GLCCI1: variants seen among roughly 807,000 people sequenced by gnomAD.
GLCCI1 encodes the protein glucocorticoid-induced transcript 1 protein.
Under a neutral mutation model 52.2 loss-of-function variants are expected in GLCCI1, and 24 were observed. That is an observed-to-expected ratio of 0.46 (90% CI 0.33 to 0.65). GLCCI1 has a LOEUF of 0.65. Ranked by LOEUF, GLCCI1 falls within the 30% of genes least tolerant of loss-of-function variation. The pLI, the probability that GLCCI1 is intolerant of heterozygous loss-of-function variation, is 0.02. For synonymous variants in GLCCI1, 310 were observed against 276.5 expected, an observed-to-expected ratio of 1.12 and a Z score of -1.20; for missense variants, 704 against 701.5, an observed-to-expected ratio of 1.00 and a Z score of -0.04.
At chr7:7,975,711 A>G (rs1780453184) in intron 1 of GLCCI1, among the ~76,000 whole-genome samples, 1 of 152,228 alleles carries the variant, frequency 6.6e-6, no homozygotes, top group South Asian at 2.1e-4. Context: ...AAAATAAAAT[A>G]TAGATGGATT....
chr7:8,010,421 C>A (rs1020542097), intron 2 of GLCCI1, among the ~76,000 whole-genome samples: 1 of 152,004 alleles, frequency 6.6e-6, no homozygotes, highest in Admixed American at 6.6e-5. Flanking sequence ...ATCGAATTTC[C>A]ACTTTAGGAA....
At chr7:8,006,563 G>A (rs1166769720) in intron 2 of GLCCI1, among the ~76,000 whole-genome samples, 2 of 152,148 alleles carry the variant, frequency 1.3e-5, no homozygotes, top group Non-Finnish European at 2.9e-5. Flanking sequence ...ATGTAGACAT[G>A]CCCGCTTGTA....
At chr7:8,061,826 C>A (rs1229785517) in intron 5 of GLCCI1, among the ~76,000 whole-genome samples, 1 of 151,864 alleles carries the variant, frequency 6.6e-6, no homozygotes, top group African/African-American at 2.4e-5. Flanking sequence ...ACCACCATGC[C>A]CAGCTAATTT....
chr7:8,071,291 T>G (rs1782756420), intron 6 of GLCCI1, among the ~76,000 whole-genome samples, 160 bp downstream of exon 6: 1 of 152,148 alleles, frequency 6.6e-6, no homozygotes, highest in East Asian at 1.9e-4. Context: ...ACATACCCCC[T>G]TTTTTGTGAC....
chr7:8,086,167 A>G lies in GLCCI1; in HGVS notation c.1299-26A>G. 2 of 1,550,100 alleles carry G rather than the reference A, an allele frequency of 1.3e-6. No individual in the cohort carries two copies. Among genetic ancestry groups the G allele is most frequent in the Non-Finnish European group, 8.7e-7 (1 of 1,144,762 alleles). The stretch of plus-strand genomic sequence containing the variant: ...AACTTTTTCTGTGTTCATGATTATA[A>G]ATCTAATTTTGTTTTATGGTTTTAG... On this transcript the variant is annotated intron_variant, in intron 7 of 7. Transcript: ENST00000223145. This position sits in a 1 kb window ranked among gnomAD's most constrained non-coding sequence, Gnocchi z 4.4.
intron 2 of GLCCI1, among the ~76,000 whole-genome samples, chr7:8,009,935 G>T (rs566903713): frequency 1.5e-3 from 214 of 146,092 alleles, no homozygotes; most frequent in African/African-American, 4.5e-3. Flanking sequence ...ACTGGAAGTG[G>T]TTTTTTTTTT....
chr7:8,076,076 C>T (rs1049001054), intron 6 of GLCCI1, among the ~76,000 whole-genome samples: 3 of 152,132 alleles, frequency 2.0e-5, no homozygotes, highest in African/African-American at 4.8e-5. Flanking sequence ...TTCCTTTATA[C>T]GTATATTTTA....
At chr7:8,010,038 A>T (rs1781233626) in intron 2 of GLCCI1, among the ~76,000 whole-genome samples, 1 of 151,234 alleles carries the variant, frequency 6.6e-6, no homozygotes, top group Non-Finnish European at 1.5e-5. Flanking sequence ...TTTTCCTGTT[A>T]TACCTTTATT....
In GLCCI1 at chr7:8,043,794, A is replaced by G. The variant is rs138530974; in HGVS notation, c.697-11639A>G. On this transcript the variant is annotated intron_variant, in intron 3 of 7. Transcript: ENST00000223145. ...ACTAATGTGATTTTCATGATATTTC[A>G]TGAAGATACTAAATTCTGTATAACA... Among the ~76,000 whole-genome samples, 681 of 152,346 alleles carry G rather than the reference A, an allele frequency of 4.5e-3. 7 individuals carry two copies. Among genetic ancestry groups the G allele is most frequent in the African/African-American group, 0.015 (635 of 41,586 alleles).
At chr7:7,990,081 T>G (rs1347024268) in intron 1 of GLCCI1, among the ~76,000 whole-genome samples, 1 of 152,114 alleles carries the variant, frequency 6.6e-6, no homozygotes, top group Admixed American at 6.5e-5. Flanking sequence ...GCTATCTGGC[T>G]TGGTGTGGTT....
intron 5 of GLCCI1, among the ~76,000 whole-genome samples, chr7:8,068,547 A>G (rs1311550923): frequency 6.6e-6 from 1 of 152,180 alleles, no homozygotes; most frequent in Non-Finnish European, 1.5e-5. Context: ...GTATTATTTT[A>G]TGGTAATCAT....
At chr7:8,047,100 A>G (rs187292937) in intron 3 of GLCCI1, among the ~76,000 whole-genome samples, 23 of 152,326 alleles carry the variant, frequency 1.5e-4, no homozygotes, top group Admixed American at 5.9e-4. Flanking sequence ...GGAAAAGCAT[A>G]TTACTTACAA....
chr7:7,969,736 G>T lies in GLCCI1; in HGVS notation c.386G>T (p.Arg129Ile). 1.4e-6 allele frequency: 2 copies of T among 1,452,738 alleles called. No homozygotes were observed. The highest frequency in any genetic ancestry group is 1.8e-6 in the Non-Finnish European group (2 of 1,104,440). The allele number at this position is 1,452,738 out of a possible 1,614,324, so 90.0% of individuals were successfully genotyped here. The part of the protein sequence containing the change: ...EQAPRAKGRP[R>I]RSPESHRRSS... ...GCGCCGCGGGCCAAGGGCCGCCCGA[G>T]ACGGTCCCCAGAGAGCCACCGGAGG... Residue 129 changes from arginine to isoleucine, a missense_variant, in exon 1 of 8, where the codon AGA (arginine) becomes ATA (isoleucine). Coordinates refer to ENST00000223145, the MANE Select transcript of GLCCI1 (RefSeq NM_138426.4). This position sits in a 1 kb window ranked among gnomAD's most constrained non-coding sequence, Gnocchi z 4.9.
At chr7:8,070,390 C>G (rs1168511524) in intron 5 of GLCCI1, 3 of 152,684 alleles carry the variant, frequency 2.0e-5, no homozygotes, top group Non-Finnish European at 4.4e-5. Context: ...ATAGAATAAA[C>G]CTCTTTATTA....
chr7:8,000,373 G>T (rs754273755), intron 1 of GLCCI1, among the ~76,000 whole-genome samples: 13 of 152,084 alleles, frequency 8.5e-5, no homozygotes, highest in Non-Finnish European at 1.6e-4. Context: ...AACAGTTTAT[G>T]TATCTTCAGA....
intron 3 of GLCCI1, among the ~76,000 whole-genome samples, chr7:8,037,484 A>T (rs2127953539): frequency 6.6e-6 from 1 of 152,328 alleles, no homozygotes; most frequent in African/African-American, 2.4e-5. Context: ...ACAGTTCCAC[A>T]ACTGAGACTA....
intron 6 of GLCCI1, among the ~76,000 whole-genome samples, chr7:8,076,274 C>A (rs901352533): frequency 2.0e-5 from 3 of 152,114 alleles, no homozygotes; most frequent in Non-Finnish European, 4.4e-5. Context: ...CTTGAAAAAT[C>A]ACTGCTTTTG....
chr7:8,004,456 T>G (rs527325611), intron 2 of GLCCI1, among the ~76,000 whole-genome samples: 1 of 152,206 alleles, frequency 6.6e-6, no homozygotes, highest in Non-Finnish European at 1.5e-5. Flanking sequence ...GGAGAATTTA[T>G]TTTTTTCTGT....
chr7:8,037,839 T>C (rs1286283091), intron 3 of GLCCI1, among the ~76,000 whole-genome samples: 4 of 152,122 alleles, frequency 2.6e-5, no homozygotes, highest in Admixed American at 6.5e-5. Flanking sequence ...CAAGAAGATA[T>C]AGCAATTCTA....
Sources: gnomAD v4.1 joint callset for allele counts (sites outside exome capture counted in the v4.1 genomes callset) on GRCh38, gnomAD v4.1.1 for gene constraint, Gnocchi (gnomAD v3.1) non-coding constraint, MANE v1.5 for transcripts, NCBI Gene and HGNC (gene_info 2026-07-23, HGNC 2026-07-21) for gene names.